The following SELENOS variants were observed in gnomAD, a reference collection of about 807,000 sequenced individuals.
SELENOS encodes VCP interacting membrane selenoprotein.
SELENOS carries 37 observed loss-of-function variants against 30.2 expected under a neutral mutation model. The ratio of observed to expected loss-of-function variants is 1.23; its 90% confidence interval spans 0.94 to 1.61. SELENOS has a LOEUF of 1.61. Ranked by LOEUF, SELENOS falls within the 40% of genes most tolerant of loss-of-function variation. The probability of loss-of-function intolerance (pLI) is 0.00; values close to 1 mark genes in which losing one functional copy is unlikely to be tolerated. For synonymous variants in SELENOS, 119 were observed against 91.6 expected (o/e 1.30, Z -1.71); for missense variants, 289 against 231.8 (o/e 1.25, Z -1.60).
At position 101,276,635 on chromosome 15, in the gene SELENOS, G is replaced by T; in HGVS notation, c.117C>A (p.Phe39Leu). ...AGACCACGTAGAGAAGGATGCAGCT[G>T]AAGACGATGTACCAGCCATAGGTGG... is the stretch of plus-strand genomic sequence containing the variant. ...LLATYGWYIV[F>L]SCILLYVVFQ... Residue 39 changes from phenylalanine to leucine, a missense_variant, in exon 2 of 6, where the codon TTC becomes TTA. Coordinates refer to ENST00000526049, the MANE Select transcript of SELENOS (RefSeq NM_018445.6). 4.3e-6 allele frequency: 7 copies of T among 1,613,656 alleles called. No homozygotes were observed. Among genetic ancestry groups the T allele is most frequent in the Non-Finnish European group, 5.9e-6 (7 of 1,179,800 alleles).
rs2039345505 is a variant in SELENOS at position 101,277,454 on chromosome 15, C to T, written c.-37G>A. On this transcript the variant is annotated 5_prime_UTR_variant, in exon 1 of 6. Transcript: ENST00000526049. Reference sequence around the variant, plus strand: ...CCGCCGCCGCCCAGCCCTGCCGCCGCGCCTCCAGCCGGGCGCTTCCGGTGC... The same window carrying T: ...CCGCCGCCGCCCAGCCCTGCCGCCGTGCCTCCAGCCGGGCGCTTCCGGTGC... The T allele has an allele frequency of 1.4e-6, 2 of 1,411,706 alleles. No individual in the cohort carries two copies. Among genetic ancestry groups the T allele is most frequent in the Non-Finnish European group, 1.8e-6 (2 of 1,092,756 alleles). 87.4% of individuals were successfully genotyped at this position (1,411,706 alleles called of 1,614,324 possible). A position where few individuals can be genotyped will look rare whatever the true frequency, so the allele number is the denominator to read the frequency against.
chr15:101,270,903 AC>A (rs990078039), downstream of SELENOS: 1 of 151,756 alleles, frequency 6.6e-6, no homozygotes, highest in Non-Finnish European at 1.5e-5. Flanking sequence ...CCCTCCTTCC[AC>A]CCCTACCAAA....
chr15:101,274,686 G>C lies in SELENOS; in HGVS notation c.319-5C>G, dbSNP rs777602615. On this transcript the variant is annotated splice_region_variant and splice_polypyrimidine_tract_variant and intron_variant, in intron 3 of 5. Transcript: ENST00000526049. Reference sequence around the variant, plus strand: ...TCTCCTTTTTTCTTCTTCAAGCTGAGAAACAATCACATTTTACAGAAAGAA... The same window carrying C: ...TCTCCTTTTTTCTTCTTCAAGCTGACAAACAATCACATTTTACAGAAAGAA... 6.2e-6 allele frequency: 10 copies of C among 1,608,744 alleles called. No homozygotes were observed. The East Asian group carries it at 8.9e-5, about 14-fold the overall frequency.
intron 5 of SELENOS, 101 bp downstream of exon 5, chr15:101,274,319 C>T: frequency 1.5e-6 from 2 of 1,360,784 alleles, no homozygotes; most frequent in South Asian, 1.3e-5. Flanking sequence ...AGGAATTAGT[C>T]TTAATTTATG....
intron 4 of SELENOS, 43 bp from the exon 5 acceptor site, chr15:101,274,538 T>C: frequency 1.2e-6 from 2 of 1,608,256 alleles, no homozygotes; most frequent in South Asian, 2.2e-5. Context: ...ATTAAAACAT[T>C]CTACTTGGCA....
intron 5 of SELENOS, among the ~76,000 whole-genome samples, chr15:101,273,278 G>A (rs1043944605): frequency 6.6e-6 from 1 of 152,018 alleles, no homozygotes; most frequent in Non-Finnish European, 1.5e-5. Flanking sequence ...GTCAGAACGG[G>A]GTCTTCTGTA....
chr15:101,274,549 A>G (rs768736825), intron 4 of SELENOS, 43 bp downstream of exon 4: 2 of 1,609,896 alleles, frequency 1.2e-6, no homozygotes, highest in Admixed American at 3.4e-5. Flanking sequence ...CTACTTGGCA[A>G]TCTTCATCTA....
Position 101,277,259 on chromosome 15 carries a change from G to C in SELENOS, c.76+83C>G, listed in dbSNP as rs558074324. ...CCAGGCCTCCCAGGCTCCGGCGCCC[G>C]GTGCAGCGGCGGACGACCCACCCAT... On this transcript the variant is annotated intron_variant, in intron 1 of 5. Transcript: ENST00000526049. 2.8e-5 allele frequency: 42 copies of C among 1,520,558 alleles called. No individual in the cohort carries two copies. The African/African-American group carries it at 5.0e-4, about 18-fold the overall frequency. 94.2% of individuals were successfully genotyped at this position (1,520,558 alleles called of 1,614,324 possible).
At chr15:101,276,080 G>A (rs889251086) in intron 2 of SELENOS, among the ~76,000 whole-genome samples, 4 of 150,410 alleles carry the variant, frequency 2.7e-5, no homozygotes, top group East Asian at 2.0e-4. Flanking sequence ...CCGTCACCAC[G>A]CCCCACTAAT....
intron 1 of SELENOS, chr15:101,276,933 G>C: frequency 1.9e-6 from 1 of 529,036 alleles, no homozygotes; most frequent in Middle Eastern, 3.3e-4. Context: ...ACTGGGTTTT[G>C]AAGAATGAAG....
intron 1 of SELENOS, 196 bp downstream of exon 1, chr15:101,277,142 GCCGC>G (rs1401634474): frequency 1.1e-6 from 1 of 913,218 alleles, no homozygotes; most frequent in African/African-American, 1.7e-5. Context: ...GGACAGCCGA[GCCGC>G]CCAGGGAAGT....
chr15:101,273,946 G>C (rs1464152451), intron 5 of SELENOS, among the ~76,000 whole-genome samples: 2 of 152,214 alleles, frequency 1.3e-5, no homozygotes, highest in Non-Finnish European at 2.9e-5. Flanking sequence ...TCGTTTGTGA[G>C]TCCCATCTTC....
Position 101,274,618 on chromosome 15 carries a change from A to T in SELENOS, c.382T>A (p.Tyr128Asn). The change falls in exon 4 of 6, where the codon TAC (tyrosine) becomes AAC (asparagine). Residue 128 changes from tyrosine (Y) to asparagine (N), a missense_variant. Physicochemically the swap from Tyr to Asn is moderately radical, Grantham distance 143. Coordinates refer to ENST00000526049, the MANE Select transcript of SELENOS (RefSeq NM_018445.6). ...TGGGGCTTCTTTGCATTTCCTTTGT[A>T]ACTTTTTCCTTCTTGCATGCTGTCC... Reference protein sequence around the residue: ...MWDSMQEGKSYKGNAKKPQEE... With the variant: ...MWDSMQEGKSNKGNAKKPQEE... 1.9e-6 allele frequency: 3 copies of T among 1,613,718 alleles called. No homozygotes were observed. The highest frequency in any genetic ancestry group is 2.5e-6 in the Non-Finnish European group (3 of 1,179,822).
At chr15:101,276,079 C>A (rs1231890716) in intron 2 of SELENOS, among the ~76,000 whole-genome samples, 3 of 151,782 alleles carry the variant, frequency 2.0e-5, no homozygotes, top group Non-Finnish European at 4.4e-5. Context: ...CCCGTCACCA[C>A]GCCCCACTAA....
At chr15:101,272,882 CAGT>C in intron 5 of SELENOS, 26 bp from the exon 6 acceptor site, 4 of 1,579,760 alleles carry the variant, frequency 2.5e-6, no homozygotes, top group Non-Finnish European at 3.4e-6. Context: ...AGCAGCACAA[CAGT>C]ATTGATAAAA....
At chr15:101,276,414 ATTTTT>A (rs57981941) in intron 2 of SELENOS, 122 bp downstream of exon 2, 10 of 974,746 alleles carry the variant, frequency 1.0e-5, no homozygotes, top group Non-Finnish European at 1.2e-5. Flanking sequence ...ACTCCCGGCT[ATTTTT>A]TTTTTTTTTA....
intron 2 of SELENOS, among the ~76,000 whole-genome samples, chr15:101,276,107 G>A (rs554959998): frequency 1.1e-4 from 16 of 151,878 alleles, no homozygotes; most frequent in Non-Finnish European, 2.2e-4. Flanking sequence ...ATTTTTAGTA[G>A]AGACAGGGTT....
intron 5 of SELENOS, 65 bp downstream of exon 5, chr15:101,274,355 C>G (rs1364856896): frequency 1.3e-6 from 2 of 1,507,318 alleles, no homozygotes; most frequent in African/African-American, 2.8e-5. Context: ...AATCTTGTTC[C>G]TAAAAGGTAA....
chr15:101,274,777 C>T (rs1298533876), intron 3 of SELENOS, 96 bp from the exon 4 acceptor site: 9 of 1,268,288 alleles, frequency 7.1e-6, no homozygotes, highest in Non-Finnish European at 8.7e-6. Flanking sequence ...AAATGTCTTT[C>T]AGAACAAACT....
Sources: gnomAD v4.1 joint callset for allele counts (sites outside exome capture counted in the v4.1 genomes callset) on GRCh38, gnomAD v4.1.1 for gene constraint, MANE v1.5 for transcripts, NCBI Gene and HGNC (gene_info 2026-07-23, HGNC 2026-07-21) for gene names.